Variants in BUB1 observed in about 807,000 individuals in gnomAD.
BUB1 encodes BUB1 mitotic checkpoint serine/threonine kinase, also known as mitotic checkpoint serine/threonine-protein kinase BUB1.
Under a neutral mutation model 135.2 loss-of-function variants are expected in BUB1, and 84 were observed. The observed-to-expected ratio is 0.62, with a 90% CI of 0.52 to 0.74. The LOEUF is 0.74. Among genes scored for constraint, BUB1 ranks in the 30% least tolerant of loss-of-function variants. BUB1 has a pLI of 0.00. For missense variants in BUB1, 1,162 were observed against 1,288.3 expected (o/e 0.90, Z 1.50); for synonymous variants, 403 against 434.4 (o/e 0.93, Z 0.90).
In BUB1 at chr2:110,674,350, G is replaced by A. The variant is rs763419297; in HGVS notation, c.42C>T (p.His14=). Residue 14 remains histidine, a synonymous_variant, in exon 2 of 25, where the codon CAC becomes CAT. Coordinates refer to ENST00000302759, the MANE Select transcript of BUB1 (RefSeq NM_004336.5). ...PENVLQMLEA[H]MQSYKGNDPL... Reference sequence around the variant, plus strand: ...GGTCATTGCCCTTGTAGCTCTGCATGTGGGCTTCAAGCATCCTAGAAGAGA... The same window carrying A: ...GGTCATTGCCCTTGTAGCTCTGCATATGGGCTTCAAGCATCCTAGAAGAGA... 4 of 1,614,012 alleles carry A rather than the reference G, an allele frequency of 2.5e-6. No individual in the cohort carries two copies. The highest frequency in any genetic ancestry group is 2.2e-5 in the South Asian group (2 of 91,078).
At chr2:110,653,923 T>C (rs937188506) in intron 16 of BUB1, among the ~76,000 whole-genome samples, 10 of 152,182 alleles carry the variant, frequency 6.6e-5, no homozygotes, top group East Asian at 1.9e-4. Flanking sequence ...GAGGATCACT[T>C]GAGCCCAGGA....
chr2:110,662,129 ATTATC>A (rs773607972), intron 9 of BUB1: 1 of 320,666 alleles, frequency 3.1e-6, no homozygotes, highest in Non-Finnish European at 5.7e-6. Context: ...GCATTTAAGT[ATTATC>A]TTATTTCTCT....
At chr2:110,674,481 A>G (rs1690518914) in intron 1 of BUB1, 116 bp from the exon 2 acceptor site, 1 of 809,876 alleles carries the variant, frequency 1.2e-6, no homozygotes, top group Non-Finnish European at 2.0e-6. Flanking sequence ...TTAAATATCA[A>G]TCATTTTATA....
intron 19 of BUB1, among the ~76,000 whole-genome samples, chr2:110,643,852 T>C (rs1260352137): frequency 6.6e-6 from 1 of 151,398 alleles, no homozygotes; most frequent in East Asian, 1.9e-4. Context: ...CTAAGGGTTC[T>C]AATGAAAAAG....
intron 1 of BUB1, chr2:110,675,137 C>T (rs559804600): frequency 6.6e-6 from 1 of 152,360 alleles, no homozygotes; most frequent in East Asian, 1.9e-4. Context: ...CTGCATCCCC[C>T]ACTTCCATAT....
chr2:110,637,602 G>GTGTGTGTGTA lies in BUB1; in HGVS notation c.*361_*362insTACACACACA, dbSNP rs1207991528. The GTGTGTGTGTA allele has an allele frequency of 2.4e-4, 39 of 161,482 alleles. No individual in the cohort carries two copies. Among genetic ancestry groups the GTGTGTGTGTA allele is most frequent in the Non-Finnish European group, 1.7e-4 (13 of 74,768 alleles). 10.0% of individuals were successfully genotyped at this position (161,482 alleles called of 1,614,324 possible). ...GTTAGGGAAGTGTGTGTGTGTGTGT[G>GTGTGTGTGTA]TGTGTGTGTGTGTGTGTGTTTACAC... On this transcript the variant is annotated 3_prime_UTR_variant, in exon 25 of 25. Coordinates refer to ENST00000302759, the MANE Select transcript of BUB1 (RefSeq NM_004336.5).
intron 15 of BUB1, among the ~76,000 whole-genome samples, chr2:110,656,312 CT>C (rs887732789): frequency 2.0e-5 from 3 of 151,890 alleles, no homozygotes; most frequent in South Asian, 2.1e-4. Context: ...TGGATTTCAC[CT>C]TTTTTTTCCC....
Position 110,672,863 on chromosome 2 carries a change from C to A in BUB1, c.226-6G>T, listed in dbSNP as rs756523208. 6.4e-7 allele frequency: 1 copy of A among 1,573,280 alleles called. No homozygotes were observed. The highest frequency in any genetic ancestry group is 1.9e-5 in the Admixed American group (1 of 51,748). On this transcript the variant is annotated splice_polypyrimidine_tract_variant and splice_region_variant and intron_variant, in intron 3 of 24. Transcript: ENST00000302759. ...AGGTCACTGTTGTACTCAGCCTACA[C>A]GAACCCAAAACAAAAAGACATAAGA... is the stretch of plus-strand genomic sequence containing the variant.
chr2:110,660,686 A>C (rs1394998794), intron 10 of BUB1, among the ~76,000 whole-genome samples: 1 of 152,204 alleles, frequency 6.6e-6, no homozygotes, highest in Non-Finnish European at 1.5e-5. Context: ...GATCCCATTC[A>C]TTACAGAGGT....
At position 110,666,167 on chromosome 2, in the gene BUB1, A is replaced by T. The variant is rs1407049955; in HGVS notation, c.957+96T>A. 2.5e-6 allele frequency: 3 copies of T among 1,195,396 alleles called. No homozygotes were observed. The East Asian group carries it at 8.6e-5, about 34-fold the overall frequency. 74.0% of individuals were successfully genotyped at this position (1,195,396 alleles called of 1,614,324 possible). On this transcript the variant is annotated intron_variant, in intron 9 of 24. Coordinates refer to ENST00000302759, the MANE Select transcript of BUB1 (RefSeq NM_004336.5). ...TCAGAAAGTTACTAGCTAAATTAAC[A>T]TCAGAATTAACTCTAAAACAGCACA...
Position 110,658,540 on chromosome 2 carries a change from A to C in BUB1, c.1406-20T>G, listed in dbSNP as rs916474671. Reference sequence around the variant, plus strand: ...TGAAACCTTAAAGAACAAAAAGAATAATTGTAAACAGGTTGCAAAAGAGCT... The same window carrying C: ...TGAAACCTTAAAGAACAAAAAGAATCATTGTAAACAGGTTGCAAAAGAGCT... On this transcript the variant is annotated intron_variant, in intron 12 of 24. Coordinates refer to ENST00000302759, the MANE Select transcript of BUB1 (RefSeq NM_004336.5). The C allele has an allele frequency of 4.3e-6, 7 of 1,613,478 alleles. No homozygotes were observed. In the African/African-American group the frequency reaches 9.3e-5, roughly 22 times the overall value.
chr2:110,658,368 C>G, intron 13 of BUB1, 42 bp downstream of exon 13: 1 of 1,492,350 alleles, frequency 6.7e-7, no homozygotes, highest in Non-Finnish European at 9.2e-7. Context: ...GTGATAACCA[C>G]CTATAATGCT....
In BUB1 at chr2:110,657,068, G is replaced by C. The variant is rs147598051; in HGVS notation, c.1666C>G (p.Arg556Gly). The C allele has an allele frequency of 1.5e-5, 25 of 1,613,108 alleles. No individual in the cohort carries two copies. Among genetic ancestry groups the C allele is most frequent in the Non-Finnish European group, 1.9e-5 (23 of 1,179,510 alleles). ...KPTGARTFGE[R>G]SVSRLPSKPK... ...TTTGAAGGAAGTCTGCTGACAGAGC[G>C]TTCTCCAAAGGTCCTGGCTCCTGTG... Residue 556 changes from arginine (R) to glycine (G), a missense_variant, in exon 15 of 25, where the codon CGC becomes GGC. Transcript: ENST00000302759.
intron 10 of BUB1, 97 bp downstream of exon 10, chr2:110,661,485 C>G: frequency 7.1e-7 from 1 of 1,407,428 alleles, no homozygotes; most frequent in African/African-American, 1.4e-5. Context: ...AGACATCATT[C>G]ATCTTTTACA....
At chr2:110,640,128 C>T (rs952196269) in intron 23 of BUB1, among the ~76,000 whole-genome samples, 1 of 152,166 alleles carries the variant, frequency 6.6e-6, no homozygotes, top group African/African-American at 2.4e-5. Flanking sequence ...ACACTCTAAG[C>T]CCTCTTCCAC....
In BUB1 at chr2:110,651,806, ACAC is replaced by A. The variant is rs986569055; in HGVS notation, c.1965-1025_1965-1023del. Among the ~76,000 whole-genome samples, 123 of 152,268 alleles carry A rather than the reference ACAC, an allele frequency of 8.1e-4. 1 individual carries two copies. The highest frequency in any genetic ancestry group is 1.2e-4 in the Non-Finnish European group (8 of 68,030). On this transcript the variant is annotated intron_variant, in intron 17 of 24. Transcript: ENST00000302759. ...TCTATGTTTACATACACAAATTCTT[ACAC>A]CACTCTGTTGCCATTGCCTATAGTA...
Position 110,650,561 on chromosome 2 carries a change from T to TG in BUB1, c.2187_2188insC (p.Thr730HisfsTer3). ...GTGTTCGTACTTGGAGCATCAACAGTCCCAAGTGAACTCATCTGCATCCAT... is the reference window on the plus strand; with the variant it reads ...GTGTTCGTACTTGGAGCATCAACAGTGCCCAAGTGAACTCATCTGCATCCAT... On this transcript the variant is annotated frameshift_variant, in exon 18 of 25. Coordinates refer to ENST00000302759, the MANE Select transcript of BUB1 (RefSeq NM_004336.5). LOFTEE classifies it high-confidence loss of function. 6.2e-7 allele frequency: 1 copy of TG among 1,613,484 alleles called. No individual in the cohort carries two copies. Among genetic ancestry groups the TG allele is most frequent in the East Asian group, 2.2e-5 (1 of 44,858 alleles).
chr2:110,673,280 A>G (rs1176888270), intron 3 of BUB1, among the ~76,000 whole-genome samples: 2 of 152,200 alleles, frequency 1.3e-5, no homozygotes, highest in African/African-American at 2.4e-5. Flanking sequence ...TCTTAATAAT[A>G]TCCTTTATAA....
chr2:110,657,723 A>G, intron 13 of BUB1, 78 bp from the exon 14 acceptor site: 1 of 1,020,096 alleles, frequency 9.8e-7, no homozygotes, highest in East Asian at 2.7e-5. Context: ...AACTACAAAT[A>G]AGAAAAAGGA....
Sources: gnomAD v4.1 joint callset for allele counts (sites outside exome capture counted in the v4.1 genomes callset) on GRCh38, gnomAD v4.1.1 for gene constraint, MANE v1.5 for transcripts, NCBI Gene and HGNC (gene_info 2026-07-23, HGNC 2026-07-21) for gene names.